CHRM3: variants seen among roughly 807,000 people sequenced by gnomAD.
CHRM3 encodes the protein cholinergic receptor muscarinic 3.
CHRM3 carries 11 observed loss-of-function variants against 41.8 expected under a neutral mutation model. The observed-to-expected ratio is 0.26, with a 90% confidence interval of 0.17 to 0.44. CHRM3 has a LOEUF of 0.44. CHRM3 is among the 20% of genes least tolerant of loss of function. The pLI is 1.00. For missense variants in CHRM3, 571 were observed against 745.4 expected, an observed-to-expected ratio of 0.77 and a Z score of 2.72; for synonymous variants, 297 against 301.4, an observed-to-expected ratio of 0.99 and a Z score of 0.15.
intron 6 of CHRM3, among the ~76,000 whole-genome samples, chr1:239,853,944 A>G (rs926812526): frequency 4.6e-5 from 7 of 152,126 alleles, no homozygotes; most frequent in Non-Finnish European, 7.4e-5. Context: ...AGAGGATGCT[A>G]TGTAATTTAC....
intron 1 of CHRM3, among the ~76,000 whole-genome samples, chr1:239,470,583 C>T (rs1455473760): frequency 6.6e-6 from 1 of 152,142 alleles, no homozygotes; most frequent in Non-Finnish European, 1.5e-5. Flanking sequence ...CAACTGGAAA[C>T]AGGAGGGAAC....
intron 5 of CHRM3, among the ~76,000 whole-genome samples, chr1:239,709,535 G>T (rs1340776518): frequency 6.6e-6 from 1 of 152,110 alleles, no homozygotes; most frequent in Admixed American, 6.6e-5. Context: ...TTCCAGCTAG[G>T]ACAGTGCTGC....
At chr1:239,613,159 C>T (rs1558376474) in intron 3 of CHRM3, among the ~76,000 whole-genome samples, 5 of 152,146 alleles carry the variant, frequency 3.3e-5, no homozygotes, top group Admixed American at 2.0e-4. Flanking sequence ...TTAGGAGGAC[C>T]TAAGCAGCGA....
At chr1:239,492,664 C>T (rs1015032681) in intron 1 of CHRM3, 45 bp from the exon 2 acceptor site, 1 of 152,226 alleles carries the variant, frequency 6.6e-6, no homozygotes, top group Non-Finnish European at 1.5e-5. Context: ...AGCAGAATAA[C>T]CTTGCATGCT....
rs116445869 is a variant in CHRM3 at position 239,592,151 on chromosome 1, T to C, written c.-312-40073T>C. On this transcript the variant is annotated intron_variant, in intron 3 of 6. Transcript: ENST00000676153. ...CTTCTCACCATGTCTTCATTAAAAA[T>C]AGATAGAGTCCATGTTACATGACAT... 1.0e-3 allele frequency among the ~76,000 whole-genome samples: 154 copies of C among 152,302 alleles called. 1 individual carries two copies. The highest frequency in any genetic ancestry group is 3.5e-3 in the African/African-American group (145 of 41,566).
At chr1:239,404,688 C>T (rs1015246280) in intron 1 of CHRM3, among the ~76,000 whole-genome samples, 5 of 135,058 alleles carry the variant, frequency 3.7e-5, no homozygotes, top group African/African-American at 1.1e-4. Context: ...AAGTTGAAAC[C>T]GCTTCCATTA....
chr1:239,706,270 T>C (rs1405947499), intron 5 of CHRM3: 1 of 151,558 alleles, frequency 6.6e-6, no homozygotes, highest in Non-Finnish European at 1.5e-5. Flanking sequence ...TATTTGTAAA[T>C]GATTTATTTA....
At chr1:239,721,513 A>G (rs1413032516) in intron 5 of CHRM3, among the ~76,000 whole-genome samples, 2 of 151,980 alleles carry the variant, frequency 1.3e-5, no homozygotes, top group Non-Finnish European at 2.9e-5. Flanking sequence ...ATACAAATGC[A>G]TTTCATTAAC....
intron 5 of CHRM3, among the ~76,000 whole-genome samples, chr1:239,825,387 C>T (rs75535564): frequency 6.6e-6 from 1 of 152,194 alleles, no homozygotes; most frequent in African/African-American, 2.4e-5. Flanking sequence ...CAAATCTTCT[C>T]TCTTGCTACC....
intron 5 of CHRM3, among the ~76,000 whole-genome samples, chr1:239,726,403 A>T (rs1234773674): frequency 6.6e-6 from 1 of 151,908 alleles, no homozygotes; most frequent in Non-Finnish European, 1.5e-5. Context: ...TTTATTGATC[A>T]TTTAGTTTTT....
At chr1:239,843,871 G>T (rs542982179) in intron 6 of CHRM3, among the ~76,000 whole-genome samples, 1 of 151,832 alleles carries the variant, frequency 6.6e-6, no homozygotes, top group African/African-American at 2.4e-5. Flanking sequence ...GTGTGTATGT[G>T]TGTGTGTATA....
chr1:239,846,830 G>A (rs755447885), intron 6 of CHRM3, among the ~76,000 whole-genome samples: 35 of 152,174 alleles, frequency 2.3e-4, no homozygotes, highest in Non-Finnish European at 4.4e-4. Context: ...AAAGATAAGC[G>A]GCATAGAGTA....
rs373839182 is a variant in CHRM3 at position 239,455,110 on chromosome 1, G to A, written c.-520-37599G>A. Among the ~76,000 whole-genome samples, 11 of 152,174 alleles carry A rather than the reference G, an allele frequency of 7.2e-5. No individual in the cohort carries two copies. In the South Asian group the frequency reaches 2.1e-3, roughly 29 times the overall value. ...TTATATTTTTGAGACGGAGCACAAT[G>A]GCGTGATCTCGGCTCAGCGCAGCCT... On this transcript the variant is annotated intron_variant, in intron 1 of 6. Coordinates refer to ENST00000676153, the MANE Select transcript of CHRM3 (RefSeq NM_001375978.1).
rs869143310 is a variant in CHRM3 at position 239,708,736 on chromosome 1, C to CTTTTTTTTTTTTTT, written c.-147+30462_-147+30475dup. Among the ~76,000 whole-genome samples the CTTTTTTTTTTTTTT allele has an allele frequency of 9.3e-4, 45 of 48,342 alleles. 5 individuals carry two copies. Among genetic ancestry groups the CTTTTTTTTTTTTTT allele is most frequent in the Non-Finnish European group, 1.3e-3 (37 of 28,524 alleles). 31.7% of individuals were successfully genotyped at this position (48,342 alleles called of 152,430 possible). On this transcript the variant is annotated intron_variant, in intron 5 of 6. Transcript: ENST00000676153. ...CTTTGTTTCTTCTGGTTTAAATTTT[C>CTTTTTTTTTTTTTT]TTTTTTTTTTTTTTTTTTTTTTTTT...
intron 4 of CHRM3, among the ~76,000 whole-genome samples, chr1:239,664,053 T>C (rs1673522333): frequency 6.6e-6 from 1 of 152,144 alleles, no homozygotes; most frequent in Non-Finnish European, 1.5e-5. Flanking sequence ...CCTCTGGGTC[T>C]TCCTTCTGGT....
chr1:239,467,814 A>T (rs1174786320), intron 1 of CHRM3, among the ~76,000 whole-genome samples: 1 of 152,150 alleles, frequency 6.6e-6, no homozygotes, highest in Admixed American at 6.5e-5. Flanking sequence ...TCTCTTGCTT[A>T]GAGGGTTGGA....
rs1215599088 is a variant in CHRM3 at position 239,387,573 on chromosome 1, G to T, written c.-521+346G>T. On this transcript the variant is annotated intron_variant, in intron 1 of 6. Transcript: ENST00000676153. This position sits in a 1 kb window ranked among gnomAD's most constrained non-coding sequence, Gnocchi z 5.1. The stretch of plus-strand genomic sequence containing the variant: ...GGGACGTCCCACCCCGCTCTCCCTC[G>T]CTTCGATTCTCTCTTCGCCACTGCC... Among the ~76,000 whole-genome samples, 1 of 152,002 alleles carries T rather than the reference G, an allele frequency of 6.6e-6. No individual in the cohort carries two copies. The highest frequency in any genetic ancestry group is 2.4e-5 in the African/African-American group (1 of 41,406).
At chr1:239,531,696 G>A (rs1210608511) in intron 2 of CHRM3, among the ~76,000 whole-genome samples, 3 of 114,996 alleles carry the variant, frequency 2.6e-5, no homozygotes, top group Non-Finnish European at 4.8e-5. Context: ...GTCTCGCTCT[G>A]TCGCCCAGGC....
intron 6 of CHRM3, among the ~76,000 whole-genome samples, chr1:239,875,909 T>C (rs991276926): frequency 5.3e-5 from 8 of 152,220 alleles, no homozygotes; most frequent in African/African-American, 1.9e-4. Flanking sequence ...AGAGCACTTA[T>C]TGCCACTCCA....
Sources: allele counts gnomAD v4.1 joint callset (sites outside exome capture counted in the v4.1 genomes callset), GRCh38; gene constraint gnomAD v4.1.1; non-coding constraint Gnocchi (gnomAD v3.1); transcripts MANE v1.5; gene names NCBI Gene and HGNC (gene_info 2026-07-23, HGNC 2026-07-21).